The following MED15 variants were observed in gnomAD, a reference collection of about 807,000 sequenced individuals.
The protein encoded by MED15 is mediator complex subunit 15.
In MED15, 41 loss-of-function variants were observed where a neutral mutation model predicts 118.7. The ratio of observed to expected loss-of-function variants is 0.35; its 90% confidence interval spans 0.27 to 0.45. The LOEUF (loss-of-function observed/expected upper bound fraction) is 0.45, where lower values mean the gene tolerates loss of function less well. MED15 is among the 20% of genes least tolerant of loss of function. MED15 has a pLI of 1.00. For missense variants in MED15, 740 were observed against 1,025.5 expected, an observed-to-expected ratio of 0.72 and a Z score of 3.80; for synonymous variants, 436 against 413.9, an observed-to-expected ratio of 1.05 and a Z score of -0.65.
At chr22:20,534,394 G>C (rs755310692) in intron 1 of MED15, among the ~76,000 whole-genome samples, 8 of 152,070 alleles carry the variant, frequency 5.3e-5, no homozygotes, top group Non-Finnish European at 1.2e-4. Flanking sequence ...GCGTGGTGGC[G>C]CATGCCTGTA....
At chr22:20,527,696 A>G (rs1425307853) in intron 1 of MED15, among the ~76,000 whole-genome samples, 1 of 152,054 alleles carries the variant, frequency 6.6e-6, no homozygotes, top group Admixed American at 6.6e-5. Context: ...AGTGGCTCAC[A>G]CCTGTAATCC....
At chr22:20,523,819 C>T in intron 1 of MED15, 2 of 985,430 alleles carry the variant, frequency 2.0e-6, no homozygotes. Context: ...GCTTAGACAA[C>T]AGTACACAGT....
intron 5 of MED15, among the ~76,000 whole-genome samples, chr22:20,556,304 T>C (rs1490736505): frequency 2.5e-5 from 2 of 81,006 alleles, no homozygotes; most frequent in East Asian, 2.6e-4. Context: ...CTTCATCAGT[T>C]TTTTTTTTTT....
At chr22:20,516,338 TAATA>T (rs1048235442) in intron 1 of MED15, among the ~76,000 whole-genome samples, 25 of 151,592 alleles carry the variant, frequency 1.6e-4, no homozygotes, top group Admixed American at 1.4e-3. Context: ...ATAATAATAA[TAATA>T]AATAAGTAAA....
rs201001092 is a variant in MED15 at position 20,566,619 on chromosome 22, G to T, written c.843G>T (p.Pro281=). The T allele has an allele frequency of 3.0e-5, 49 of 1,613,904 alleles. No homozygotes were observed. The East Asian group carries it at 1.1e-3, about 35-fold the overall frequency. Residue 281 remains proline (P), a synonymous_variant, in exon 7 of 18, where the codon CCG becomes CCT. Transcript: ENST00000263205. ...CACCGATGCAGCAGCCACAGCCTCC[G>T]CCCTCCCAGGCTCTGCCCCAGCAGC... ...QQPPMQQPQP[P]PSQALPQQLQ... is the part of the protein sequence containing the mutation.
At chr22:20,524,821 A>T (rs981253647) in intron 1 of MED15, among the ~76,000 whole-genome samples, 1 of 151,916 alleles carries the variant, frequency 6.6e-6, no homozygotes, top group Admixed American at 6.6e-5. Flanking sequence ...GGGATTTAGT[A>T]GAGACGGGAT....
intron 3 of MED15, chr22:20,551,696 C>G (rs2055781741): frequency 1.7e-6 from 1 of 604,576 alleles, no homozygotes; most frequent in Non-Finnish European, 3.0e-6. Flanking sequence ...AATGCTGATT[C>G]TAGCATCATG....
chr22:20,507,967 G>A (rs1200499877), intron 1 of MED15: 3 of 1,437,058 alleles, frequency 2.1e-6, no homozygotes, highest in Non-Finnish European at 2.7e-6. Flanking sequence ...AAACCAACGA[G>A]CCCTGGCTTA....
intron 5 of MED15, among the ~76,000 whole-genome samples, chr22:20,560,102 G>A (rs927608435): frequency 6.6e-6 from 1 of 152,066 alleles, no homozygotes; most frequent in Non-Finnish European, 1.5e-5. Flanking sequence ...ACAAATACAG[G>A]TCAGTCCCCC....
chr22:20,567,792 CTCG>C (rs1239498901), intron 7 of MED15, among the ~76,000 whole-genome samples: 4 of 152,174 alleles, frequency 2.6e-5, no homozygotes. Context: ...GCGGGCCTGT[CTCG>C]TCCTTCTGGA....
rs1490567067 is a variant in MED15, at chr22:20,583,210, C to T, written c.1635C>T (p.Pro545=). The T allele has an allele frequency of 7.4e-6, 12 of 1,611,998 alleles. No individual in the cohort carries two copies. The Admixed American group carries it at 1.7e-4, about 22-fold the overall frequency. The stretch of plus-strand genomic sequence containing the variant: ...AGCAGCTGTCGAAGTACATCGAGCC[C>T]CTGCGCCGCATGATCAACAAGATCG... ...KLKQLSKYIE[P]LRRMINKIDK... The change falls in exon 12 of 18, where the codon CCC becomes CCT. Residue 545 remains proline (P), a synonymous_variant. Coordinates refer to ENST00000263205, the MANE Select transcript of MED15 (RefSeq NM_001003891.3).
intron 1 of MED15, among the ~76,000 whole-genome samples, chr22:20,532,665 A>T (rs2054905128): frequency 6.6e-6 from 1 of 152,160 alleles, no homozygotes; most frequent in South Asian, 2.1e-4. Context: ...AGTGGCCCCC[A>T]GCCCCCTTCC....
At position 20,587,577 on chromosome 22, in the gene MED15, A is replaced by C; in HGVS notation, c.*873A>C. On this transcript the variant is annotated 3_prime_UTR_variant, in exon 18 of 18. Coordinates refer to ENST00000263205, the MANE Select transcript of MED15 (RefSeq NM_001003891.3). ...GAGGTCCCCCCTTTTTATGTGCACT[A>C]CCCCACCATCTGTGATTATAATAAA... The C allele has an allele frequency of 2.3e-6, 1 of 432,656 alleles. No individual in the cohort carries two copies. Among genetic ancestry groups the C allele is most frequent in the Non-Finnish European group, 3.9e-6 (1 of 258,972 alleles). 26.8% of individuals were successfully genotyped at this position (432,656 alleles called of 1,614,324 possible). A position where few individuals can be genotyped will look rare whatever the true frequency, so the allele number is the denominator to read the frequency against.
At chr22:20,562,502 A>G (rs938963067) in intron 5 of MED15, among the ~76,000 whole-genome samples, 1 of 152,054 alleles carries the variant, frequency 6.6e-6, no homozygotes, top group Non-Finnish European at 1.5e-5. Context: ...CTCCTGCCTC[A>G]GCCTCCTGAG....
In MED15 at chr22:20,582,600, TC is replaced by T; in HGVS notation, c.1273-9del. The stretch of plus-strand genomic sequence containing the variant: ...TGTGGCAGCGCGCCGGCTGAGCCCC[TC>T]CACTTCCAGGTCAGCCAGAGCAGCC... On this transcript the variant is annotated splice_polypyrimidine_tract_variant and intron_variant, in intron 9 of 17. Coordinates refer to ENST00000263205, the MANE Select transcript of MED15 (RefSeq NM_001003891.3). 1 of 1,543,764 alleles carries T rather than the reference TC, an allele frequency of 6.5e-7. No individual in the cohort carries two copies.
intron 2 of MED15, among the ~76,000 whole-genome samples, chr22:20,549,599 G>T (rs888663987): frequency 6.6e-6 from 1 of 152,146 alleles, no homozygotes; most frequent in Non-Finnish European, 1.5e-5. Context: ...GCCCCTAGAT[G>T]TTCCTAGATA....
intron 8 of MED15, 93 bp from the exon 9 acceptor site, chr22:20,575,020 T>C: frequency 6.4e-7 from 1 of 1,565,882 alleles, no homozygotes; most frequent in Non-Finnish European, 8.7e-7. Flanking sequence ...CTGGTGCTCC[T>C]TCTTGCAGAG....
chr22:20,527,751 A>C (rs1487650968), intron 1 of MED15, among the ~76,000 whole-genome samples: 2 of 152,058 alleles, frequency 1.3e-5, no homozygotes, highest in Non-Finnish European at 2.9e-5. Flanking sequence ...CAAGGTCAGG[A>C]GTTCGAGACT....
chr22:20,543,293 C>A (rs868448010), intron 2 of MED15, among the ~76,000 whole-genome samples: 9 of 144,390 alleles, frequency 6.2e-5, no homozygotes, highest in Middle Eastern at 3.6e-3. Context: ...GTCATTGCAA[C>A]CTCCGCCTCC....
Sources: gnomAD v4.1 joint callset for allele counts (sites outside exome capture counted in the v4.1 genomes callset) on GRCh38, gnomAD v4.1.1 for gene constraint, MANE v1.5 for transcripts, NCBI Gene and HGNC (gene_info 2026-07-23, HGNC 2026-07-21) for gene names.